The following PCDHA9 variants were observed in gnomAD, a reference collection of about 807,000 sequenced individuals.
PCDHA9 encodes the protein protocadherin alpha-9.
In PCDHA9, 62 loss-of-function variants were observed where a neutral mutation model predicts 62.0. That is an observed-to-expected ratio of 1.00 (90% CI 0.81 to 1.23). The LOEUF (loss-of-function observed/expected upper bound fraction) is 1.23. Among genes scored for constraint, PCDHA9 ranks in the 50% most tolerant of loss-of-function variants. PCDHA9 has a pLI of 0.00. For missense variants in PCDHA9, 1,205 were observed against 1,249.8 expected, an observed-to-expected ratio of 0.96 and a Z score of 0.54; for synonymous variants, 557 against 567.6, an observed-to-expected ratio of 0.98 and a Z score of 0.27.
At chr5:140,864,304 A>G (rs2048411725) in intron 1 of PCDHA9, 1 of 152,230 alleles carries the variant, frequency 6.6e-6, no homozygotes, top group East Asian at 1.9e-4. Flanking sequence ...CAAAAATACC[A>G]TGACAATATT....
At chr5:140,895,709 A>G (rs763607157) in intron 1 of PCDHA9, among the ~76,000 whole-genome samples, 2 of 152,208 alleles carry the variant, frequency 1.3e-5, no homozygotes, top group African/African-American at 2.4e-5. Flanking sequence ...CACTTGGGAT[A>G]ATGGCCTGCA....
chr5:141,004,274 A>T (rs2098160407), intron 3 of PCDHA9, among the ~76,000 whole-genome samples: 1 of 152,212 alleles, frequency 6.6e-6, no homozygotes, highest in Admixed American at 6.5e-5. Flanking sequence ...CACAGTCTAC[A>T]TGCTGCTGAG....
At chr5:140,947,530 CAATTTCTACAAAG>C (rs2094141786) in intron 1 of PCDHA9, among the ~76,000 whole-genome samples, 1 of 151,588 alleles carries the variant, frequency 6.6e-6, no homozygotes, top group African/African-American at 2.4e-5. Flanking sequence ...ATCAACTTTT[CAATTTCTACAAAG>C]AATTCCGCTG....
At chr5:140,943,356 A>G (rs965090658) in intron 1 of PCDHA9, among the ~76,000 whole-genome samples, 2 of 152,014 alleles carry the variant, frequency 1.3e-5, no homozygotes, top group Non-Finnish European at 2.9e-5. Flanking sequence ...GAGTAGAGGA[A>G]AGGAGATCAT....
At chr5:140,925,955 G>A (rs1350124934) in intron 1 of PCDHA9, among the ~76,000 whole-genome samples, 1 of 152,076 alleles carries the variant, frequency 6.6e-6, no homozygotes, top group Non-Finnish European at 1.5e-5. Context: ...AGGAGAAACT[G>A]CTATCACGCA....
At chr5:140,882,652 C>T (rs781900873) in intron 1 of PCDHA9, 1 of 1,614,216 alleles carries the variant, frequency 6.2e-7, no homozygotes, top group Non-Finnish European at 8.5e-7. Flanking sequence ...ACATTAACGA[C>T]AACCCGCCCA....
intron 1 of PCDHA9, among the ~76,000 whole-genome samples, chr5:140,953,569 C>G (rs246030): frequency 0.56 from 85,556 of 151,828 alleles, 24,725 homozygotes; most frequent in African/African-American, 0.69. Context: ...TTAGTGCCCT[C>G]CTCTCCCAAA....
chr5:140,886,453 A>G (rs1047264611), intron 1 of PCDHA9, among the ~76,000 whole-genome samples: 1 of 152,140 alleles, frequency 6.6e-6, no homozygotes, highest in Non-Finnish European at 1.5e-5. Flanking sequence ...TAATTTTGTC[A>G]TATATAAATG....
chr5:140,992,382 G>A (rs1275662967), intron 3 of PCDHA9, among the ~76,000 whole-genome samples: 3 of 152,140 alleles, frequency 2.0e-5, no homozygotes, highest in Non-Finnish European at 4.4e-5. Flanking sequence ...ACATTATTGT[G>A]TTCTGGACTT....
intron 1 of PCDHA9, among the ~76,000 whole-genome samples, chr5:140,966,049 A>AC (rs2095962296): frequency 6.6e-6 from 1 of 152,102 alleles, no homozygotes; most frequent in African/African-American, 2.4e-5. Context: ...ATCGCCAGTA[A>AC]CCCCAGAGCG....
chr5:140,852,153 T>C, intron 1 of PCDHA9: 1 of 858,712 alleles, frequency 1.2e-6, no homozygotes, highest in Non-Finnish European at 1.4e-6. Context: ...CAGAATGGCC[T>C]TGAGAATAGA....
At chr5:140,955,187 T>C (rs1230644276) in intron 1 of PCDHA9, among the ~76,000 whole-genome samples, 1 of 152,198 alleles carries the variant, frequency 6.6e-6, no homozygotes, top group Non-Finnish European at 1.5e-5. Flanking sequence ...TTTTGTGGTG[T>C]ATATGAAGTC....
At chr5:140,858,160 G>T in intron 1 of PCDHA9, 1 of 1,597,718 alleles carries the variant, frequency 6.3e-7, no homozygotes, top group Non-Finnish European at 8.6e-7. Context: ...CCATCTGCGC[G>T]GTGTCCAGCT....
At chr5:140,918,111 C>A (rs1035723043) in intron 1 of PCDHA9, among the ~76,000 whole-genome samples, 1 of 152,016 alleles carries the variant, frequency 6.6e-6, no homozygotes, top group Admixed American at 6.6e-5. Flanking sequence ...CTTTCACATC[C>A]TTGATTAGCC....
chr5:140,952,219 C>T (rs1442706652), intron 1 of PCDHA9, among the ~76,000 whole-genome samples: 24 of 152,086 alleles, frequency 1.6e-4, no homozygotes, highest in African/African-American at 4.8e-4. Flanking sequence ...CTTTTCCAGG[C>T]ACAGTGTGCA....
intron 1 of PCDHA9, among the ~76,000 whole-genome samples, chr5:140,897,304 G>C (rs1297881439): frequency 1.7e-4 from 25 of 150,768 alleles, no homozygotes; most frequent in African/African-American, 6.1e-4. Flanking sequence ...TTTAGCATTA[G>C]GTATATCTCC....
chr5:140,926,495 T>G (rs1033428952), intron 1 of PCDHA9: 3 of 181,806 alleles, frequency 1.7e-5, no homozygotes, highest in Non-Finnish European at 3.4e-5. Flanking sequence ...TGTTAGTGTC[T>G]CGGGGCGTCT....
At chr5:140,942,601 GT>G (rs1453167051) in intron 1 of PCDHA9, among the ~76,000 whole-genome samples, 1 of 130,480 alleles carries the variant, frequency 7.7e-6, no homozygotes, top group Non-Finnish European at 1.6e-5. Flanking sequence ...TAATTATAGT[GT>G]TTATATTTGC....
chr5:140,966,818 C>G (rs1376177382), intron 1 of PCDHA9: 1 of 1,554,298 alleles, frequency 6.4e-7, no homozygotes, highest in Admixed American at 1.9e-5. Context: ...ACGGCTCCGG[C>G]GGCCCATGCC....
Sources: allele counts gnomAD v4.1 joint callset (sites outside exome capture counted in the v4.1 genomes callset), GRCh38; gene constraint gnomAD v4.1.1; transcripts MANE v1.5; gene names NCBI Gene and HGNC (gene_info 2026-07-23, HGNC 2026-07-21).